CATSPER3: variants seen among roughly 807,000 people sequenced by gnomAD.
CATSPER3 encodes the protein cation channel sperm-associated protein 3.
In CATSPER3, 23 loss-of-function variants were observed where a neutral mutation model predicts 36.6. The observed-to-expected ratio is 0.63, with a 90% CI of 0.45 to 0.89. The LOEUF is 0.89. Among genes scored for constraint, CATSPER3 ranks in the 40% least tolerant of loss-of-function variants. The pLI is 0.00. For missense variants in CATSPER3, 474 were observed against 503.9 expected (o/e 0.94, Z 0.57); for synonymous variants, 172 against 184.1 (o/e 0.93, Z 0.53).
chr5:134,969,864 A>G, intron 1 of CATSPER3, 75 bp from the exon 2 acceptor site: 2 of 1,477,836 alleles, frequency 1.4e-6, no homozygotes, highest in Admixed American at 3.3e-5. Context: ...CCTTGTCCCT[A>G]CAAAAAGGTA....
chr5:134,978,450 CAAAAT>C (rs992474631), intron 2 of CATSPER3, among the ~76,000 whole-genome samples: 5 of 151,890 alleles, frequency 3.3e-5, no homozygotes, highest in Non-Finnish European at 7.4e-5. Context: ...CAATTAAAAA[CAAAAT>C]AAACGTTAAA....
At position 135,009,354 on chromosome 5, in the gene CATSPER3, A is replaced by G. The variant is rs1432057438; in HGVS notation, c.817-17A>G. On this transcript the variant is annotated splice_polypyrimidine_tract_variant and intron_variant, in intron 5 of 7. Coordinates refer to ENST00000282611, the MANE Select transcript of CATSPER3 (RefSeq NM_178019.3). ...TAGCGAGAGCCTGTAGTTGACCTCC[A>G]TCGTCTGACTCTCTAGGACTCCATC... The G allele has an allele frequency of 6.2e-7, 1 of 1,612,866 alleles. No homozygotes were observed. The highest frequency in any genetic ancestry group is 8.5e-7 in the Non-Finnish European group (1 of 1,179,346).
At chr5:134,975,875 G>A (rs1215360528) in intron 2 of CATSPER3, among the ~76,000 whole-genome samples, 2 of 152,104 alleles carry the variant, frequency 1.3e-5, no homozygotes, top group Admixed American at 6.5e-5. Context: ...ATCAACCTAA[G>A]TGTTCATCAA....
chr5:134,976,367 C>A (rs1471107398), intron 2 of CATSPER3, among the ~76,000 whole-genome samples: 1 of 141,640 alleles, frequency 7.1e-6, no homozygotes, highest in Non-Finnish European at 1.5e-5. Context: ...CCAAAAAAAC[C>A]CAAGGTCTGT....
At chr5:134,978,564 G>GCTTA (rs2149546506) in intron 2 of CATSPER3, among the ~76,000 whole-genome samples, 1 of 152,200 alleles carries the variant, frequency 6.6e-6, no homozygotes, top group African/African-American at 2.4e-5. Context: ...AGAAAAGGAT[G>GCTTA]CTTACTTTCA....
chr5:135,004,195 G>A (rs1314840955), intron 3 of CATSPER3, among the ~76,000 whole-genome samples: 1 of 152,210 alleles, frequency 6.6e-6, no homozygotes, highest in Non-Finnish European at 1.5e-5. Flanking sequence ...AAGCTTTGTT[G>A]TGTGGCCTCC....
At chr5:134,996,573 A>G in intron 3 of CATSPER3, 61 bp downstream of exon 3, 2 of 1,577,604 alleles carry the variant, frequency 1.3e-6, no homozygotes, top group Non-Finnish European at 1.7e-6. Flanking sequence ...TTTGCCCCCA[A>G]GACACTAAGG....
chr5:135,009,086 A>G, intron 5 of CATSPER3, 105 bp downstream of exon 5: 1 of 1,478,162 alleles, frequency 6.8e-7, no homozygotes, highest in Non-Finnish European at 9.4e-7. Flanking sequence ...GTGTCTTCCC[A>G]ATGAAGTGGA....
chr5:134,968,989 T>G (rs1751568105), intron 1 of CATSPER3: 1 of 152,128 alleles, frequency 6.6e-6, no homozygotes, highest in Non-Finnish European at 1.5e-5. Context: ...GTTTTTGTGT[T>G]TTGCTGCACA....
At chr5:135,002,950 A>C (rs1220281429) in intron 3 of CATSPER3, among the ~76,000 whole-genome samples, 1 of 152,006 alleles carries the variant, frequency 6.6e-6, no homozygotes, top group Admixed American at 6.6e-5. Context: ...TCTTCTCTCA[A>C]CTCATCAAAG....
At chr5:134,969,712 G>A (rs1751578418) in intron 1 of CATSPER3, 1 of 553,268 alleles carries the variant, frequency 1.8e-6, no homozygotes, top group South Asian at 2.0e-5. Flanking sequence ...TTTTTCAGAG[G>A]TCCAGGGAGA....
chr5:134,998,434 C>T (rs1273621237), intron 3 of CATSPER3, among the ~76,000 whole-genome samples: 1 of 152,046 alleles, frequency 6.6e-6, no homozygotes, highest in African/African-American at 2.4e-5. Flanking sequence ...GGTATATACC[C>T]AGTAATGGGA....
intron 2 of CATSPER3, among the ~76,000 whole-genome samples, chr5:134,984,283 C>A (rs1049900584): frequency 6.6e-6 from 1 of 152,042 alleles, no homozygotes. Flanking sequence ...ATAAATGGGA[C>A]CCGATTCAAC....
chr5:135,004,500 G>A (rs1161754557), intron 3 of CATSPER3, among the ~76,000 whole-genome samples: 1 of 152,232 alleles, frequency 6.6e-6, no homozygotes, highest in Non-Finnish European at 1.5e-5. Flanking sequence ...GGACGGGAAA[G>A]AAGACTGGAG....
At chr5:134,972,017 T>C (rs1348973359) in intron 2 of CATSPER3, among the ~76,000 whole-genome samples, 3 of 151,978 alleles carry the variant, frequency 2.0e-5, no homozygotes, top group Admixed American at 2.0e-4. Context: ...GTTGTGTTTT[T>C]AGAAAAAAAA....
chr5:134,985,478 A>C (rs1001978555), intron 2 of CATSPER3, among the ~76,000 whole-genome samples: 1 of 152,104 alleles, frequency 6.6e-6, no homozygotes, highest in Admixed American at 6.5e-5. Context: ...AAAACTACCT[A>C]TTGGGTTCAA....
chr5:134,969,114 C>T (rs1339841396), intron 1 of CATSPER3: 1 of 152,190 alleles, frequency 6.6e-6, no homozygotes, highest in Non-Finnish European at 1.5e-5. Context: ...TTTACTTACA[C>T]AGTCCTTTTT....
chr5:135,002,160 G>A (rs1446615647), intron 3 of CATSPER3, among the ~76,000 whole-genome samples: 3 of 152,142 alleles, frequency 2.0e-5, no homozygotes, highest in Admixed American at 6.5e-5. Context: ...GAGGCCTGGT[G>A]GTGACAAAAT....
At chr5:134,972,327 T>C (rs367624735) in intron 2 of CATSPER3, among the ~76,000 whole-genome samples, 156 of 152,138 alleles carry the variant, frequency 1.0e-3, no homozygotes, top group African/African-American at 3.5e-3. Flanking sequence ...TAAGAGATAC[T>C]TAACCCGTAG....
Sources: allele counts gnomAD v4.1 joint callset (sites outside exome capture counted in the v4.1 genomes callset), GRCh38; gene constraint gnomAD v4.1.1; transcripts MANE v1.5; gene names NCBI Gene and HGNC (gene_info 2026-07-23, HGNC 2026-07-21).